The following LSAMP variants were observed in gnomAD, a reference collection of about 807,000 sequenced individuals.
LSAMP encodes limbic system-associated membrane protein.
Under a neutral mutation model 38.6 loss-of-function variants are expected in LSAMP, and 7 were observed. The observed-to-expected ratio is 0.18, with a 90% CI of 0.10 to 0.34. LSAMP has a LOEUF of 0.34. Among genes scored for constraint, LSAMP ranks in the 10% least tolerant of loss-of-function variants. The probability of loss-of-function intolerance (pLI) is 1.00; values close to 1 mark genes in which losing one functional copy is unlikely to be tolerated. For synonymous variants in LSAMP, 154 were observed against 166.8 expected (o/e 0.92, Z 0.59); for missense variants, 313 against 420.0 (o/e 0.75, Z 2.23).
chr3:116,157,246 T>C (rs1709774268), intron 1 of LSAMP, among the ~76,000 whole-genome samples: 1 of 152,106 alleles, frequency 6.6e-6, no homozygotes, highest in African/African-American at 2.4e-5. Flanking sequence ...AGTCCCTTTA[T>C]CACTGAGACT....
chr3:115,977,995 C>G (rs1559905594), intron 3 of LSAMP, among the ~76,000 whole-genome samples: 1 of 152,138 alleles, frequency 6.6e-6, no homozygotes, highest in East Asian at 1.9e-4. Context: ...CTTCCTTCCT[C>G]TCTTCCTCCT....
At chr3:116,088,800 C>G (rs529874252) in intron 1 of LSAMP, among the ~76,000 whole-genome samples, 81 of 152,252 alleles carry the variant, frequency 5.3e-4, no homozygotes, top group African/African-American at 1.9e-3. Flanking sequence ...TATAGCTTAC[C>G]TAAATATGGC....
chr3:115,969,105 C>T (rs1395169080), intron 3 of LSAMP, among the ~76,000 whole-genome samples: 1 of 152,198 alleles, frequency 6.6e-6, no homozygotes, highest in African/African-American at 2.4e-5. Flanking sequence ...CTACCCGCTT[C>T]AGTGCCTCTT....
intron 1 of LSAMP, among the ~76,000 whole-genome samples, chr3:116,349,274 T>C (rs1431175293): frequency 6.6e-6 from 1 of 152,098 alleles, no homozygotes; most frequent in African/African-American, 2.4e-5. Context: ...AACAACTGGC[T>C]ATCCATCAAT....
At chr3:116,125,375 A>T (rs879733148) in intron 1 of LSAMP, among the ~76,000 whole-genome samples, 3 of 72,332 alleles carry the variant, frequency 4.1e-5, no homozygotes. Context: ...CACCCCCGCC[A>T]CGAGTTTCCT....
chr3:116,372,767 A>G (rs535861271), intron 1 of LSAMP, among the ~76,000 whole-genome samples: 1 of 151,962 alleles, frequency 6.6e-6, no homozygotes, highest in South Asian at 2.1e-4. Flanking sequence ...GAAATTACTA[A>G]TAAGCACAGG....
intron 1 of LSAMP, among the ~76,000 whole-genome samples, chr3:116,182,897 AAT>A (rs1234510046): frequency 6.6e-6 from 1 of 151,976 alleles, no homozygotes; most frequent in Non-Finnish European, 1.5e-5. Context: ...TTGCCATCAC[AAT>A]GACTATTGTA....
At chr3:116,224,404 C>A (rs2046320118) in intron 1 of LSAMP, among the ~76,000 whole-genome samples, 1 of 152,176 alleles carries the variant, frequency 6.6e-6, no homozygotes, top group Non-Finnish European at 1.5e-5. Context: ...TGCATAGACT[C>A]ATCCTTGGTT....
At chr3:116,406,672 C>T (rs1431308190) in intron 1 of LSAMP, among the ~76,000 whole-genome samples, 4 of 152,002 alleles carry the variant, frequency 2.6e-5, no homozygotes, top group African/African-American at 9.7e-5. Flanking sequence ...AAATTTGGAA[C>T]AGCACTTCTA....
chr3:116,212,016 G>A (rs574946117), intron 1 of LSAMP, among the ~76,000 whole-genome samples: 1 of 152,160 alleles, frequency 6.6e-6, no homozygotes, highest in African/African-American at 2.4e-5. Context: ...GGTTACAATT[G>A]AGTTCTTCTT....
intron 4 of LSAMP, among the ~76,000 whole-genome samples, chr3:115,851,823 A>G (rs1240043170): frequency 6.6e-6 from 1 of 152,222 alleles, no homozygotes; most frequent in Non-Finnish European, 1.5e-5. Context: ...CACACATCAT[A>G]TAGATCCTCC....
At chr3:115,956,325 C>T (rs978615338) in intron 3 of LSAMP, among the ~76,000 whole-genome samples, 8 of 150,834 alleles carry the variant, frequency 5.3e-5, no homozygotes, top group African/African-American at 2.0e-4. Flanking sequence ...AGCTGTGCAT[C>T]ACTTTGACCA....
chr3:116,196,728 T>C (rs1156729314), intron 1 of LSAMP, among the ~76,000 whole-genome samples: 1 of 152,304 alleles, frequency 6.6e-6, no homozygotes, highest in African/African-American at 2.4e-5. Context: ...GTTCCTGTTA[T>C]GGGTAAAATT....
chr3:116,346,816 A>G (rs1425765945), intron 1 of LSAMP, among the ~76,000 whole-genome samples: 1 of 152,172 alleles, frequency 6.6e-6, no homozygotes, highest in Non-Finnish European at 1.5e-5. Context: ...TTTTGTTTCT[A>G]CACATATCCT....
intron 1 of LSAMP, among the ~76,000 whole-genome samples, chr3:116,281,423 A>T (rs536849394): frequency 2.3e-4 from 35 of 152,286 alleles, no homozygotes; most frequent in Non-Finnish European, 4.3e-4. Flanking sequence ...ATTAGAAAGA[A>T]TGACAGCTAT....
chr3:116,095,256 A>C (rs1708201474), intron 1 of LSAMP, among the ~76,000 whole-genome samples: 1 of 152,202 alleles, frequency 6.6e-6, no homozygotes, highest in Non-Finnish European at 1.5e-5. Context: ...TGAAAGTGCA[A>C]AAGTTCACAT....
chr3:116,131,077 A>G (rs7616751), intron 1 of LSAMP, among the ~76,000 whole-genome samples: 43,632 of 145,902 alleles, frequency 0.3, 7,736 homozygotes, highest in African/African-American at 0.52. Context: ...TGCAAGCTCC[A>G]TCTCCCAGGT....
In LSAMP at chr3:116,299,041, C is replaced by G. The variant is rs144542952; in HGVS notation, c.155+145836G>C. Among the ~76,000 whole-genome samples the G allele has an allele frequency of 9.2e-5, 14 of 152,304 alleles. No individual in the cohort carries two copies. In the East Asian group the frequency reaches 2.7e-3, roughly 29 times the overall value. On this transcript the variant is annotated intron_variant, in intron 1 of 6. Transcript: ENST00000490035. Reference sequence around the variant, plus strand: ...TTGGCCAGCAGAAATGATAGAGTAACATAGCCTTATGCAAATGTCTCAGAG... The same window carrying G: ...TTGGCCAGCAGAAATGATAGAGTAAGATAGCCTTATGCAAATGTCTCAGAG...
intron 3 of LSAMP, among the ~76,000 whole-genome samples, chr3:115,854,284 T>A (rs1026310128): frequency 1.5e-4 from 13 of 85,028 alleles, no homozygotes; most frequent in East Asian, 7.4e-4. Context: ...TTATTATTAT[T>A]TTTTTTTTTT....
Sources: allele counts gnomAD v4.1 joint callset (sites outside exome capture counted in the v4.1 genomes callset), GRCh38; gene constraint gnomAD v4.1.1; transcripts MANE v1.5; gene names NCBI Gene and HGNC (gene_info 2026-07-23, HGNC 2026-07-21).